SASH1: variants seen among roughly 807,000 people sequenced by gnomAD.
The protein encoded by SASH1 is SAM and SH3 domain-containing protein 1.
A neutral mutation model predicts 125.2 loss-of-function variants in SASH1; 44 were observed. That is an observed-to-expected ratio of 0.35 (90% confidence interval 0.28 to 0.45). The LOEUF (loss-of-function observed/expected upper bound fraction) is 0.45. Among genes scored for constraint, SASH1 ranks in the 20% least tolerant of loss-of-function variants. The probability of loss-of-function intolerance (pLI) is 1.00; values close to 1 mark genes in which losing one functional copy is unlikely to be tolerated. For synonymous variants in SASH1, 639 were observed against 649.1 expected (o/e 0.98, Z 0.24); for missense variants, 1,426 against 1,614.5 (o/e 0.88, Z 2.00).
At chr6:148,521,174 C>CCTAA (rs1206054559) in intron 10 of SASH1, among the ~76,000 whole-genome samples, 1 of 152,192 alleles carries the variant, frequency 6.6e-6, no homozygotes, top group East Asian at 1.9e-4. Flanking sequence ...GAAATTCCCA[C>CCTAA]CTAACTTTTA....
chr6:148,394,533 A>G (rs1020456337), intron 2 of SASH1, among the ~76,000 whole-genome samples: 8 of 152,368 alleles, frequency 5.3e-5, no homozygotes, highest in Non-Finnish European at 1.2e-4. Context: ...CCTTCAGACA[A>G]GTAAACAATA....
intron 1 of SASH1, among the ~76,000 whole-genome samples, chr6:148,327,091 C>G (rs1280064805): frequency 6.6e-6 from 1 of 152,118 alleles, no homozygotes; most frequent in Non-Finnish European, 1.5e-5. Context: ...TGGCCATTCT[C>G]TCCTCTGAGC....
chr6:148,205,284 G>A, the SASH1 span, among the ~76,000 whole-genome samples: 4 of 152,062 alleles, frequency 2.6e-5, no homozygotes, highest in Non-Finnish European at 4.4e-5. Flanking sequence ...TACCTCTGTC[G>A]TCCCAGAACT....
At position 148,388,659 on chromosome 6, in the gene SASH1, G is replaced by A. The variant is rs1583068418; in HGVS notation, c.157-1475G>A. Among the ~76,000 whole-genome samples, 3 of 152,372 alleles carry A rather than the reference G, an allele frequency of 2.0e-5. 1 individual carries two copies. The highest frequency in any genetic ancestry group is 1.3e-4 in the Admixed American group (2 of 15,304). ...TTCTGTAAAATCAGTGAATGCAGAA[G>A]TAGGGTAGAGATGATCCTTGCTCTG... On this transcript the variant is annotated intron_variant, in intron 1 of 19. Transcript: ENST00000367467.
chr6:148,234,482 A>G, the SASH1 span, among the ~76,000 whole-genome samples: 1 of 152,020 alleles, frequency 6.6e-6, no homozygotes, highest in Admixed American at 6.6e-5. Context: ...TGCTCAGGGC[A>G]TATCTGGGCT....
In SASH1 at chr6:148,519,857, G is replaced by A. The variant is rs760372135; in HGVS notation, c.1173G>A (p.Gly391=). Residue 391 remains glycine (G), a synonymous_variant, in exon 10 of 20, where the codon GGG becomes GGA. Transcript: ENST00000367467. This position sits in a 1 kb window ranked among gnomAD's most constrained non-coding sequence, Gnocchi z 4.8. ...AQKVSRSLTE[G]EMKKGLGSLS... ...AAGTGTCCCGCTCCCTCACCGAGGG[G>A]GAGATGAAGAAGGGTCTCGGGTCCC... 30 of 1,599,756 alleles carry A rather than the reference G, an allele frequency of 1.9e-5. No individual in the cohort carries two copies. The highest frequency in any genetic ancestry group is 2.6e-5 in the Non-Finnish European group (30 of 1,173,950).
At chr6:148,416,377 T>C (rs1458219956) in intron 2 of SASH1, among the ~76,000 whole-genome samples, 1 of 152,136 alleles carries the variant, frequency 6.6e-6, no homozygotes, top group Non-Finnish European at 1.5e-5. Context: ...GTACACTCTT[T>C]TTGAGGAATT....
In SASH1 at chr6:148,519,014, C is replaced by T. The variant is rs988436413; in HGVS notation, c.863-533C>T. ...ATGTGTCAGTCACATTTGCAAGATA[C>T]AACGCTTTATAGTGTTTCTCCCCAC... On this transcript the variant is annotated intron_variant, in intron 9 of 19. Coordinates refer to ENST00000367467, the MANE Select transcript of SASH1 (RefSeq NM_015278.5). This position sits in a 1 kb window ranked among gnomAD's most constrained non-coding sequence, Gnocchi z 4.8. 3.3e-5 allele frequency among the ~76,000 whole-genome samples: 5 copies of T among 152,212 alleles called. No individual in the cohort carries two copies. Among genetic ancestry groups the T allele is most frequent in the Admixed American group, 2.6e-4 (4 of 15,284 alleles).
At chr6:148,275,284 G>T (rs991269190) in intron 1 of SASH1, among the ~76,000 whole-genome samples, 3 of 152,130 alleles carry the variant, frequency 2.0e-5, no homozygotes, top group African/African-American at 7.2e-5. Context: ...TCTTGGCCCT[G>T]GACATCATTT....
At chr6:148,406,936 A>G (rs1784401944) in intron 2 of SASH1, among the ~76,000 whole-genome samples, 1 of 152,198 alleles carries the variant, frequency 6.6e-6, no homozygotes, top group Non-Finnish European at 1.5e-5. Context: ...CCAAGGGAGG[A>G]GCAGAGAGAA....
At chr6:148,368,380 C>G (rs1274521685) in intron 1 of SASH1, among the ~76,000 whole-genome samples, 2 of 152,192 alleles carry the variant, frequency 1.3e-5, no homozygotes, top group African/African-American at 2.4e-5. Context: ...AAGTGATTCT[C>G]CTGCCTCAGC....
At chr6:148,260,730 CATT>C in the SASH1 span, among the ~76,000 whole-genome samples, 3 of 148,520 alleles carry the variant, frequency 2.0e-5, no homozygotes, top group African/African-American at 7.5e-5. Flanking sequence ...AATATAATAA[CATT>C]AATCAGTTTC....
intron 2 of SASH1, among the ~76,000 whole-genome samples, chr6:148,404,528 A>C (rs1784296377): frequency 6.6e-6 from 1 of 151,778 alleles, no homozygotes; most frequent in Non-Finnish European, 1.5e-5. Context: ...AGTCCTTTCT[A>C]AACTGACTTA....
the SASH1 span, among the ~76,000 whole-genome samples, chr6:148,233,111 G>A: frequency 6.6e-6 from 1 of 151,936 alleles, no homozygotes; most frequent in Non-Finnish European, 1.5e-5. Context: ...ATACTCGGGA[G>A]GCTGAGGCAG....
At position 148,317,424 on chromosome 6, in the gene SASH1, AT is replaced by A. The variant is rs971480895; in HGVS notation, n.74+45055del. On this transcript the variant is annotated intron_variant and non_coding_transcript_variant, in intron 1 of 3. Coordinates refer to the SASH1 transcript ENST00000367469. Reference sequence around the variant, plus strand: ...GTTTGAGAAAATATTGAGGAAAAAAATTTTTTTTGTTGTTTTTGAGATGGAG... The same window carrying A: ...GTTTGAGAAAATATTGAGGAAAAAAATTTTTTTGTTGTTTTTGAGATGGAG... Among the ~76,000 whole-genome samples, 9 of 151,986 alleles carry A rather than the reference AT, an allele frequency of 5.9e-5. No homozygotes were observed. The South Asian group carries it at 8.3e-4, about 14-fold the overall frequency.
At chr6:148,300,604 C>T (rs1277125129) in intron 1 of SASH1, among the ~76,000 whole-genome samples, 1 of 151,866 alleles carries the variant, frequency 6.6e-6, no homozygotes, top group Non-Finnish European at 1.5e-5. Flanking sequence ...ATGAGTAATC[C>T]TGGCTAGTTT....
chr6:148,197,821 G>A, the SASH1 span, among the ~76,000 whole-genome samples: 3 of 152,110 alleles, frequency 2.0e-5, no homozygotes, highest in Non-Finnish European at 4.4e-5. Flanking sequence ...CCCTGATAAT[G>A]AGTGAGTTCT....
chr6:148,492,755 A>T (rs559569613), intron 8 of SASH1, among the ~76,000 whole-genome samples: 20 of 152,208 alleles, frequency 1.3e-4, no homozygotes, highest in African/African-American at 4.3e-4. Flanking sequence ...CAGGAGGCGG[A>T]GGTTGCAGTG....
chr6:148,376,196 A>T lies in SASH1; in HGVS notation c.157-13938A>T, dbSNP rs376962587. On this transcript the variant is annotated intron_variant, in intron 1 of 19. Transcript: ENST00000367467. The stretch of plus-strand genomic sequence containing the variant: ...ATCCTCCCACCTCAGCCTCCCAAGT[A>T]GCTAGGATTACAGGCGTGTGCCACC... Among the ~76,000 whole-genome samples the T allele has an allele frequency of 6.7e-4, 102 of 152,274 alleles. 1 individual carries two copies. The highest frequency in any genetic ancestry group is 2.3e-3 in the African/African-American group (94 of 41,568).
Sources: allele counts gnomAD v4.1 joint callset (sites outside exome capture counted in the v4.1 genomes callset), GRCh38; gene constraint gnomAD v4.1.1; non-coding constraint Gnocchi (gnomAD v3.1); transcripts MANE v1.5; gene names NCBI Gene and HGNC (gene_info 2026-07-23, HGNC 2026-07-21).